CDH4: variants seen among roughly 807,000 people sequenced by gnomAD.
CDH4 encodes the protein cadherin-4.
In CDH4, 33 loss-of-function variants were observed where a neutral mutation model predicts 86.0. That is an observed-to-expected ratio of 0.38 (90% CI 0.29 to 0.51). CDH4 has a LOEUF of 0.51. CDH4 is among the 20% of genes least tolerant of loss of function. CDH4 has a pLI of 0.86. For missense variants in CDH4, 1,114 were observed against 1,307.4 expected (o/e 0.85, Z 2.28); for synonymous variants, 555 against 549.4 (o/e 1.01, Z -0.14).
At chr20:61,695,601 G>A (rs937965666) in intron 2 of CDH4, among the ~76,000 whole-genome samples, 7 of 152,162 alleles carry the variant, frequency 4.6e-5, no homozygotes, top group Admixed American at 1.3e-4. Flanking sequence ...TCCACATGGC[G>A]GTGCTTTTGT....
At position 61,687,773 on chromosome 20, in the gene CDH4, T is replaced by G. The variant is rs1481086227; in HGVS notation, c.170-55790T>G. ...CACCTGATGAAGCAAAAATTTATTT[T>G]AAAAAACCAGAAATGTGGTCCGCGG... On this transcript the variant is annotated intron_variant, in intron 2 of 15. Transcript: ENST00000614565. 3.9e-5 allele frequency among the ~76,000 whole-genome samples: 6 copies of G among 152,276 alleles called. No homozygotes were observed. In the East Asian group the frequency reaches 1.2e-3, roughly 29 times the overall value.
chr20:61,937,249 G>GAAAAAAAAAAAAAAAAAAAAAGAAAA lies in CDH4; in HGVS notation c.*322_*323insAAAAAGAAAAAAAAAAAAAAAAAAAA, dbSNP rs11481455. The GAAAAAAAAAAAAAAAAAAAAAGAAAA allele has an allele frequency of 9.1e-6, 1 of 109,710 alleles. No individual in the cohort carries two copies. Among genetic ancestry groups the GAAAAAAAAAAAAAAAAAAAAAGAAAA allele is most frequent in the Non-Finnish European group, 1.7e-5 (1 of 57,302 alleles). The allele number at this position is 109,710 out of a possible 1,614,324, so 6.8% of individuals were successfully genotyped here. A position where few individuals can be genotyped will look rare whatever the true frequency, so the allele number is the denominator to read the frequency against. ...AAAAAAAAAAAAAAGAAGAAAGAAA[G>GAAAAAAAAAAAAAAAAAAAAAGAAAA]AAAAAAAAAAAAAAAAGAAAGTGCC... On this transcript the variant is annotated 3_prime_UTR_variant, in exon 16 of 16. Transcript: ENST00000614565.
intron 2 of CDH4, among the ~76,000 whole-genome samples, chr20:61,686,905 G>A (rs1012917496): frequency 6.6e-6 from 1 of 152,148 alleles, no homozygotes; most frequent in African/African-American, 2.4e-5. Flanking sequence ...AGATCCTCTC[G>A]AGTCAGGTTA....
chr20:61,622,257 G>A (rs2086784931), intron 2 of CDH4, among the ~76,000 whole-genome samples: 3 of 152,260 alleles, frequency 2.0e-5, no homozygotes, highest in Admixed American at 2.0e-4. Context: ...GGAGTAATGT[G>A]CTTATGGAAA....
At chr20:61,645,006 G>C (rs147383760) in intron 2 of CDH4, among the ~76,000 whole-genome samples, 39 of 152,318 alleles carry the variant, frequency 2.6e-4, no homozygotes, top group Non-Finnish European at 4.7e-4. Flanking sequence ...CTCACATGGC[G>C]GGCGAGCTCC....
At chr20:61,311,068 T>C (rs996481960) in intron 2 of CDH4, among the ~76,000 whole-genome samples, 10 of 152,162 alleles carry the variant, frequency 6.6e-5, no homozygotes, top group African/African-American at 2.4e-4. Context: ...CTGGTCCTCC[T>C]CGTTTCCATC....
At chr20:61,535,016 A>C (rs1333913514) in intron 2 of CDH4, among the ~76,000 whole-genome samples, 1 of 152,138 alleles carries the variant, frequency 6.6e-6, no homozygotes, top group African/African-American at 2.4e-5. Context: ...AAATAGATGA[A>C]TTCCCTCCTC....
chr20:61,309,903 A>G (rs1400951275), intron 2 of CDH4, among the ~76,000 whole-genome samples: 3 of 152,208 alleles, frequency 2.0e-5, no homozygotes. Flanking sequence ...GAAGAAGGAC[A>G]TGGAGCAGAA....
chr20:61,712,371 G>A (rs1319294134), intron 2 of CDH4, among the ~76,000 whole-genome samples: 2 of 152,198 alleles, frequency 1.3e-5, no homozygotes, highest in Non-Finnish European at 2.9e-5. Flanking sequence ...GGCAGTCAGG[G>A]ACAGGGTGTT....
At chr20:61,868,389 G>T (rs12480866) in intron 6 of CDH4, among the ~76,000 whole-genome samples, 85,890 of 151,958 alleles carry the variant, frequency 0.57, 24,786 homozygotes, top group Non-Finnish European at 0.63. Context: ...GGTTCCTGCC[G>T]CAGAGGCCCA....
At chr20:61,711,738 G>T (rs1270559430) in intron 2 of CDH4, among the ~76,000 whole-genome samples, 1 of 152,194 alleles carries the variant, frequency 6.6e-6, no homozygotes, top group Non-Finnish European at 1.5e-5. Flanking sequence ...CCTGCCCTGG[G>T]GGAAGTGAAC....
intron 2 of CDH4, among the ~76,000 whole-genome samples, chr20:61,358,268 G>A (rs1017405269): frequency 7.2e-5 from 11 of 152,184 alleles, no homozygotes; most frequent in Admixed American, 2.0e-4. Context: ...CCCACTGTGT[G>A]CTGAGTGGGG....
At chr20:61,307,618 G>A (rs1298094441) in intron 2 of CDH4, among the ~76,000 whole-genome samples, 1 of 152,272 alleles carries the variant, frequency 6.6e-6, no homozygotes, top group Non-Finnish European at 1.5e-5. Context: ...CCCCAGGCAG[G>A]AATCTGTAGC....
At chr20:61,561,445 G>C (rs985283664) in intron 2 of CDH4, among the ~76,000 whole-genome samples, 1 of 152,256 alleles carries the variant, frequency 6.6e-6, no homozygotes, top group African/African-American at 2.4e-5. Context: ...GCCAGGGCTG[G>C]AGGCCCTGGG....
intron 2 of CDH4, among the ~76,000 whole-genome samples, chr20:61,638,473 G>T (rs2086971778): frequency 6.6e-6 from 1 of 152,166 alleles, no homozygotes; most frequent in Non-Finnish European, 1.5e-5. Flanking sequence ...AGAGCAGGAA[G>T]TGTTTTGAAC....
chr20:61,638,779 AGATG>A (rs1751327200), intron 2 of CDH4, among the ~76,000 whole-genome samples: 3 of 152,156 alleles, frequency 2.0e-5, no homozygotes, highest in African/African-American at 7.2e-5. Flanking sequence ...GCTCTATGGG[AGATG>A]GATGGATGAC....
intron 7 of CDH4, among the ~76,000 whole-genome samples, chr20:61,878,686 G>T (rs987983301): frequency 6.6e-6 from 1 of 152,228 alleles, no homozygotes; most frequent in Non-Finnish European, 1.5e-5. Flanking sequence ...TCTCAAAGTC[G>T]TAGGTGACCT....
At position 61,840,860 on chromosome 20, in the gene CDH4, C is replaced by T. The variant is rs56733764; in HGVS notation, c.577-3808C>T. On this transcript the variant is annotated intron_variant, in intron 4 of 15. Transcript: ENST00000614565. ...GTGGATGCACATCACCCGCAGCCAC[C>T]CGCTGCCCGCCATATTTCAGAGGCG... Among the ~76,000 whole-genome samples, 1,136 of 152,346 alleles carry T rather than the reference C, an allele frequency of 7.5e-3. 33 individuals carry two copies. In the East Asian group the frequency reaches 0.099, roughly 13 times the overall value.
intron 2 of CDH4, among the ~76,000 whole-genome samples, chr20:61,459,585 AG>A (rs780918411): frequency 1.2e-4 from 18 of 150,574 alleles, no homozygotes; most frequent in Admixed American, 4.0e-4. Context: ...GTGCAAGAGA[AG>A]TGGCCCAGGG....
Sources: allele counts gnomAD v4.1 joint callset (sites outside exome capture counted in the v4.1 genomes callset), GRCh38; gene constraint gnomAD v4.1.1; transcripts MANE v1.5; gene names NCBI Gene and HGNC (gene_info 2026-07-23, HGNC 2026-07-21).